MLLT10: variants seen among roughly 807,000 people sequenced by gnomAD.
MLLT10 encodes protein AF-10.
MLLT10 carries 30 observed loss-of-function variants against 129.1 expected under a neutral mutation model. The ratio of observed to expected loss-of-function variants is 0.23; its 90% CI spans 0.17 to 0.32. MLLT10 has a LOEUF of 0.32. MLLT10 is among the 10% of genes least tolerant of loss of function. The pLI, the probability that MLLT10 is intolerant of heterozygous loss-of-function variation, is 1.00. For synonymous variants in MLLT10, 490 were observed against 446.4 expected, an observed-to-expected ratio of 1.10 and a Z score of -1.23; for missense variants, 1,119 against 1,268.3, an observed-to-expected ratio of 0.88 and a Z score of 1.79.
chr10:21,710,339 G>A (rs571156473), intron 13 of MLLT10, among the ~76,000 whole-genome samples: 137 of 152,288 alleles, frequency 9.0e-4, no homozygotes, highest in Admixed American at 1.6e-3. Context: ...ATGGATTAAA[G>A]TCTCTATGCC....
chr10:21,585,781 G>A (rs1156843939), intron 3 of MLLT10, among the ~76,000 whole-genome samples: 1 of 152,092 alleles, frequency 6.6e-6, no homozygotes, highest in Non-Finnish European at 1.5e-5. Flanking sequence ...GTTTCTTTTA[G>A]TTGGAGTTTC....
intron 9 of MLLT10, among the ~76,000 whole-genome samples, chr10:21,654,061 G>A (rs1318313281): frequency 6.6e-6 from 1 of 152,138 alleles, no homozygotes; most frequent in Non-Finnish European, 1.5e-5. Context: ...AGAAAGGTGG[G>A]GATAAGTGAA....
chr10:21,718,002 G>T lies in MLLT10; in HGVS notation c.1878+4052G>T, dbSNP rs935256856. On this transcript the variant is annotated intron_variant, in intron 14 of 22. Transcript: ENST00000307729. ...TGAGACTACAGGTGCCCGCCACCAC[G>T]CCTGGCTAATTTTTGTATTTTTGAT... 3.3e-5 allele frequency among the ~76,000 whole-genome samples: 5 copies of T among 149,350 alleles called. No individual in the cohort carries two copies. The Admixed American group carries it at 3.4e-4, about 10-fold the overall frequency.
intron 8 of MLLT10, among the ~76,000 whole-genome samples, chr10:21,632,651 T>C (rs1156283476): frequency 6.6e-6 from 1 of 152,168 alleles, no homozygotes; most frequent in Non-Finnish European, 1.5e-5. Flanking sequence ...AGTTTTGTAT[T>C]TGGGGGCATA....
intron 13 of MLLT10, among the ~76,000 whole-genome samples, chr10:21,691,468 A>T (rs924165601): frequency 3.3e-5 from 5 of 152,192 alleles, no homozygotes; most frequent in African/African-American, 9.7e-5. Flanking sequence ...TTTGCTTCTC[A>T]TACTTTTTTC....
chr10:21,591,608 T>A (rs1361535446), intron 4 of MLLT10, among the ~76,000 whole-genome samples: 1 of 152,246 alleles, frequency 6.6e-6, no homozygotes, highest in Non-Finnish European at 1.5e-5. Flanking sequence ...ATTGCCTTTT[T>A]GGCCATATCT....
In MLLT10 at chr10:21,734,211, G is replaced by A. The variant is rs990694408; in HGVS notation, c.2858+82G>A. On this transcript the variant is annotated intron_variant, in intron 20 of 22. Transcript: ENST00000307729. ...TATGCCTTAGATTGGGGCTTTCAAT[G>A]TGTTCCTTTGTAGATACACCTTAAG... The A allele has an allele frequency of 1.5e-5, 22 of 1,480,200 alleles. No individual in the cohort carries two copies. In the African/African-American group the frequency reaches 2.5e-4, roughly 17 times the overall value. 91.7% of individuals were successfully genotyped at this position (1,480,200 alleles called of 1,614,324 possible).
At chr10:21,624,920 AC>A (rs1167411253) in intron 8 of MLLT10, 31 of 1,309,310 alleles carry the variant, frequency 2.4e-5, no homozygotes, top group Non-Finnish European at 3.1e-5. Flanking sequence ...AGCCAGCTCT[AC>A]CTCTTGGAGG....
chr10:21,634,945 A>G (rs2047325706), intron 8 of MLLT10, among the ~76,000 whole-genome samples: 1 of 152,172 alleles, frequency 6.6e-6, no homozygotes, highest in African/African-American at 2.4e-5. Flanking sequence ...CTGTAGGCTT[A>G]TCTTGTCTTC....
chr10:21,552,129 G>A (rs2130954360), intron 3 of MLLT10, among the ~76,000 whole-genome samples: 1 of 152,082 alleles, frequency 6.6e-6, no homozygotes, highest in East Asian at 1.9e-4. Flanking sequence ...GTCTCACTAT[G>A]TTGCTAGGCT....
intron 13 of MLLT10, among the ~76,000 whole-genome samples, chr10:21,698,291 G>T (rs1271290640): frequency 6.6e-6 from 1 of 151,962 alleles, no homozygotes; most frequent in East Asian, 1.9e-4. Flanking sequence ...AGTTTTTCAG[G>T]TCTTACATAT....
At chr10:21,565,102 CCTCT>C (rs2039386083) in intron 3 of MLLT10, among the ~76,000 whole-genome samples, 2 of 151,926 alleles carry the variant, frequency 1.3e-5, no homozygotes, top group African/African-American at 2.4e-5. Flanking sequence ...GGTGGATTGA[CCTCT>C]CTCTCCATAA....
At chr10:21,736,283 GTA>G (rs1004286245) in intron 21 of MLLT10, among the ~76,000 whole-genome samples, 1 of 152,072 alleles carries the variant, frequency 6.6e-6, no homozygotes, top group African/African-American at 2.4e-5. Context: ...TGGAATTGTG[GTA>G]TATATATGTA....
At chr10:21,580,297 A>G (rs764064766) in intron 3 of MLLT10, among the ~76,000 whole-genome samples, 34 of 152,198 alleles carry the variant, frequency 2.2e-4, no homozygotes, top group Admixed American at 3.9e-4. Flanking sequence ...AAAACTTGAC[A>G]ATATAACGGA....
At position 21,742,142 on chromosome 10, in the gene MLLT10, T is replaced by A; in HGVS notation, c.*159T>A. 1 of 639,938 alleles carries A rather than the reference T, an allele frequency of 1.6e-6. No individual in the cohort carries two copies. The highest frequency in any genetic ancestry group is 2.6e-6 in the Non-Finnish European group (1 of 385,084). The allele number at this position is 639,938 out of a possible 1,614,324, so 39.6% of individuals were successfully genotyped here. ...AAGGACATTCTTGTAAGGCTTTGAT[T>A]AGTTTTCTTGTTGCTTTGTTGCACT... On this transcript the variant is annotated 3_prime_UTR_variant, in exon 23 of 23. Coordinates refer to ENST00000307729, the MANE Select transcript of MLLT10 (RefSeq NM_001195626.3).
At chr10:21,597,492 C>G (rs555077654) in intron 5 of MLLT10, among the ~76,000 whole-genome samples, 2 of 152,278 alleles carry the variant, frequency 1.3e-5, no homozygotes, top group South Asian at 2.1e-4. Context: ...GCCTCAGCGT[C>G]CCGAGTAGCT....
At position 21,619,169 on chromosome 10, in the gene MLLT10, T is replaced by C. The variant is rs2045568775; in HGVS notation, c.699+1962T>C. On this transcript the variant is annotated intron_variant, in intron 8 of 22. Transcript: ENST00000307729. ...CGGTAGTAGGAGCCTGTCTTGTTTATTGTTGATTAGATTGCTGATAAAAAA... is the reference window on the plus strand; with the variant it reads ...CGGTAGTAGGAGCCTGTCTTGTTTACTGTTGATTAGATTGCTGATAAAAAA... 2.0e-5 allele frequency among the ~76,000 whole-genome samples: 3 copies of C among 152,138 alleles called. No individual in the cohort carries two copies. In the South Asian group the frequency reaches 6.2e-4, roughly 32 times the overall value.
chr10:21,640,484 G>C (rs940964373), intron 8 of MLLT10, among the ~76,000 whole-genome samples: 3 of 151,560 alleles, frequency 2.0e-5, no homozygotes, highest in Non-Finnish European at 4.4e-5. Context: ...TTATTACTTA[G>C]AGCAATAGCT....
At chr10:21,539,535 A>T (rs2034713555) in intron 3 of MLLT10, among the ~76,000 whole-genome samples, 2 of 149,712 alleles carry the variant, frequency 1.3e-5, no homozygotes, top group African/African-American at 4.9e-5. Context: ...GCACTTTGGG[A>T]GGCCGAGGCG....
Sources: gnomAD v4.1 joint callset for allele counts (sites outside exome capture counted in the v4.1 genomes callset) on GRCh38, gnomAD v4.1.1 for gene constraint, MANE v1.5 for transcripts, NCBI Gene and HGNC (gene_info 2026-07-23, HGNC 2026-07-21) for gene names.